The following ACO1 variants were observed in gnomAD, a reference collection of about 807,000 sequenced individuals.
The protein encoded by ACO1 is cytoplasmic aconitate hydratase.
ACO1 carries 78 observed loss-of-function variants against 105.1 expected under a neutral mutation model. The observed-to-expected ratio is 0.74, with a 90% CI of 0.62 to 0.90. ACO1 has a LOEUF of 0.90. Ranked by LOEUF, ACO1 falls within the 40% of genes least tolerant of loss-of-function variation. The pLI, the probability that ACO1 is intolerant of heterozygous loss-of-function variation, is 0.00. For missense variants in ACO1, 965 were observed against 1,111.1 expected, an observed-to-expected ratio of 0.87 and a Z score of 1.87; for synonymous variants, 364 against 397.4, an observed-to-expected ratio of 0.92 and a Z score of 1.00.
Position 32,430,586 on chromosome 9 carries a change from T to C in ACO1, c.1726+12T>C. The stretch of plus-strand genomic sequence containing the variant: ...GAAAGAGCCATTGGGTAAGATTTTG[T>C]TTGTGCAGCCATAATTTTTTTCCAG... On this transcript the variant is annotated intron_variant, in intron 14 of 20. Coordinates refer to ENST00000309951, the MANE Select transcript of ACO1 (RefSeq NM_002197.3). The C allele has an allele frequency of 1.9e-6, 3 of 1,591,464 alleles. No homozygotes were observed. Among genetic ancestry groups the C allele is most frequent in the Non-Finnish European group, 2.6e-6 (3 of 1,169,832 alleles).
chr9:32,432,404 G>A (rs771653531), intron 15 of ACO1, among the ~76,000 whole-genome samples: 39 of 152,172 alleles, frequency 2.6e-4, no homozygotes, highest in Non-Finnish European at 5.6e-4. Context: ...GCTGACCCAA[G>A]GGCTTCTGAC....
At position 32,405,615 on chromosome 9, in the gene ACO1, G is replaced by A; in HGVS notation, c.97+12G>A. ...GGATTCAAGATATGGTAGGTACATG[G>A]CTGTGATAGCAATTGGAATCTCATT... On this transcript the variant is annotated intron_variant, in intron 2 of 20. Coordinates refer to ENST00000309951, the MANE Select transcript of ACO1 (RefSeq NM_002197.3). The A allele has an allele frequency of 6.4e-7, 1 of 1,552,096 alleles. No homozygotes were observed. The highest frequency in any genetic ancestry group is 2.2e-5 in the East Asian group (1 of 44,568).
At chr9:32,433,936 T>G in intron 16 of ACO1, 104 bp downstream of exon 16, 1 of 962,828 alleles carries the variant, frequency 1.0e-6, no homozygotes, top group South Asian at 1.7e-5. Flanking sequence ...CCCATTTTAT[T>G]AAACCCTTTG....
chr9:32,402,077 G>C (rs140868765), intron 1 of ACO1, among the ~76,000 whole-genome samples: 191 of 152,364 alleles, frequency 1.3e-3, no homozygotes, highest in African/African-American at 4.3e-3. Context: ...TCAGTGGCCA[G>C]GGACAAGTGT....
chr9:32,448,927 A>AGC lies in ACO1; in HGVS notation c.2405_2406dup (p.Ile803AlafsTer12), dbSNP rs1379719488. ...AAAGCCGTCCTGGCCGAGAGCTACG[A>AGC]GCGCATTCACCGCAGTAACCTGGTT... On this transcript the variant is annotated frameshift_variant, in exon 20 of 21. Transcript: ENST00000309951. LOFTEE classifies it high-confidence loss of function. 1.9e-6 allele frequency: 3 copies of AGC among 1,614,214 alleles called. No individual in the cohort carries two copies. In the South Asian group the frequency reaches 3.3e-5, roughly 18 times the overall value.
In ACO1 at chr9:32,450,424, C is replaced by T. The variant is rs948480572; in HGVS notation, c.*313C>T. On this transcript the variant is annotated 3_prime_UTR_variant, in exon 21 of 21. Coordinates refer to ENST00000309951, the MANE Select transcript of ACO1 (RefSeq NM_002197.3). ...ACAGGACGTTGCTTTTTCACTGTTTCCTATTAATCTTCAGCTGAACACAAG... is the reference window on the plus strand; with the variant it reads ...ACAGGACGTTGCTTTTTCACTGTTTTCTATTAATCTTCAGCTGAACACAAG... The T allele has an allele frequency of 2.3e-5, 9 of 394,504 alleles. No individual in the cohort carries two copies. Among genetic ancestry groups the T allele is most frequent in the African/African-American group, 1.4e-4 (7 of 48,306 alleles). 24.4% of individuals were successfully genotyped at this position (394,504 alleles called of 1,614,324 possible). A position where few individuals can be genotyped will look rare whatever the true frequency, so the allele number is the denominator to read the frequency against.
At chr9:32,448,101 C>A (rs564661448) in intron 19 of ACO1, among the ~76,000 whole-genome samples, 1 of 152,286 alleles carries the variant, frequency 6.6e-6, no homozygotes, top group South Asian at 2.1e-4. Context: ...CTATTCAGAG[C>A]TGTCAAGCAG....
chr9:32,446,414 C>CT (rs1180048618), intron 19 of ACO1, among the ~76,000 whole-genome samples: 9 of 151,022 alleles, frequency 6.0e-5, no homozygotes, highest in South Asian at 2.1e-4. Context: ...GCAACCCCTG[C>CT]TTTTTTTTTG....
At chr9:32,431,893 G>T (rs72561739) in intron 15 of ACO1, 50 bp downstream of exon 15, 1 of 1,605,758 alleles carries the variant, frequency 6.2e-7, no homozygotes, top group Middle Eastern at 1.7e-4. Flanking sequence ...AGGGAAAGCT[G>T]CTCCCTTTGT....
At position 32,445,358 on chromosome 9, in the gene ACO1, G is replaced by A. The variant is rs965205382; in HGVS notation, c.2371-3538G>A. 4 of 153,214 alleles carry A rather than the reference G, an allele frequency of 2.6e-5. No homozygotes were observed. In the East Asian group the frequency reaches 5.8e-4, roughly 22 times the overall value. 9.5% of individuals were successfully genotyped at this position (153,214 alleles called of 1,614,324 possible). A position where few individuals can be genotyped will look rare whatever the true frequency, so the allele number is the denominator to read the frequency against. On this transcript the variant is annotated intron_variant, in intron 19 of 20. Transcript: ENST00000309951. ...AGTCTTGGGAGGGTGTATGTGTCCA[G>A]GAATTTATCCATTTCTTCTAGATTT...
chr9:32,448,635 A>G (rs956415531), intron 19 of ACO1, among the ~76,000 whole-genome samples: 1 of 152,148 alleles, frequency 6.6e-6, no homozygotes, highest in African/African-American at 2.4e-5. Flanking sequence ...TGTGCTTCCC[A>G]GGTGAGGTGA....
chr9:32,423,192 G>A, intron 8 of ACO1, 127 bp from the exon 9 acceptor site: 2 of 543,976 alleles, frequency 3.7e-6, no homozygotes, highest in Non-Finnish European at 6.4e-6. Flanking sequence ...TGACAGAGCT[G>A]TTGGTGTGTG....
At chr9:32,389,984 G>C (rs1243876551) in intron 1 of ACO1, among the ~76,000 whole-genome samples, 1 of 152,090 alleles carries the variant, frequency 6.6e-6, no homozygotes, top group East Asian at 1.9e-4. Context: ...TTTCAGTAGA[G>C]ATGGGGTTTC....
rs575311970 is a variant in ACO1 at position 32,411,928 on chromosome 9, G to C, written c.404+3277G>C. ...GGTTCTCACTCTGTTCCCTAGACCG[G>C]GGTGGCGTGATCACAGTCCACTGCA... On this transcript the variant is annotated intron_variant, in intron 4 of 20. Transcript: ENST00000309951. 1.4e-4 allele frequency among the ~76,000 whole-genome samples: 21 copies of C among 151,902 alleles called. No homozygotes were observed. The South Asian group carries it at 1.5e-3, about 11-fold the overall frequency.
intron 19 of ACO1, among the ~76,000 whole-genome samples, chr9:32,444,693 C>T (rs879737577): frequency 7.9e-5 from 12 of 152,050 alleles, no homozygotes; most frequent in East Asian, 3.8e-4. Flanking sequence ...TCTCTTGTGC[C>T]GGTTTTCAAA....
At chr9:32,438,480 G>A (rs897441958) in intron 18 of ACO1, among the ~76,000 whole-genome samples, 1 of 152,192 alleles carries the variant, frequency 6.6e-6, no homozygotes, top group East Asian at 1.9e-4. Context: ...GTTGGAACGG[G>A]ACTGAGAGCT....
At chr9:32,386,310 G>C (rs1460357352) in intron 1 of ACO1, 1 of 152,190 alleles carries the variant, frequency 6.6e-6, no homozygotes, top group East Asian at 1.9e-4. Flanking sequence ...ATGGTTATTA[G>C]CCTTGAGTTT....
At chr9:32,388,309 G>C (rs28667096) in intron 1 of ACO1, among the ~76,000 whole-genome samples, 5,967 of 152,180 alleles carry the variant, frequency 0.039, 324 homozygotes, top group African/African-American at 0.12. Flanking sequence ...AGTCCAGATC[G>C]CTTGAGCCCA....
intron 19 of ACO1, among the ~76,000 whole-genome samples, chr9:32,441,748 G>C (rs143888341): frequency 3.3e-5 from 5 of 152,158 alleles, no homozygotes; most frequent in African/African-American, 1.2e-4. Flanking sequence ...TGGCCCCCAG[G>C]GGTTCTCTAG....
Sources: allele counts gnomAD v4.1 joint callset (sites outside exome capture counted in the v4.1 genomes callset), GRCh38; gene constraint gnomAD v4.1.1; transcripts MANE v1.5; gene names NCBI Gene and HGNC (gene_info 2026-07-23, HGNC 2026-07-21).